TRMT11: variants seen among roughly 807,000 people sequenced by gnomAD.
TRMT11 encodes the protein tRNA methyltransferase 11.
In TRMT11, 53 loss-of-function variants were observed where a neutral mutation model predicts 62.8. The ratio of observed to expected loss-of-function variants is 0.84; its 90% CI spans 0.68 to 1.06. The LOEUF is 1.06. TRMT11 is among the 50% of genes least tolerant of loss of function. The pLI is 0.00. For missense variants in TRMT11, 556 were observed against 553.4 expected (o/e 1.00, Z -0.05); for synonymous variants, 188 against 190.3 (o/e 0.99, Z 0.10).
intron 17 of TRMT11, among the ~76,000 whole-genome samples, chr6:126,086,162 G>A (rs1208986356): frequency 1.3e-5 from 2 of 152,064 alleles, no homozygotes; most frequent in East Asian, 1.9e-4. Flanking sequence ...AAGGAAGCAC[G>A]ACTCAATTCA....
chr6:125,995,825 A>C lies in TRMT11; in HGVS notation c.139-142A>C, dbSNP rs559965262. On this transcript the variant is annotated intron_variant, in intron 2 of 12. Transcript: ENST00000334379. ...AATTTACTTTTTTACTATTGGAACG[A>C]TTTTTATTTTGGTTACAGTCAGATC... 97 of 626,876 alleles carry C rather than the reference A, an allele frequency of 1.5e-4. No individual in the cohort carries two copies. In the Middle Eastern group the frequency reaches 2.0e-3, roughly 13 times the overall value. 38.8% of individuals were successfully genotyped at this position (626,876 alleles called of 1,614,324 possible).
At chr6:126,271,738 T>C in the TRMT11 span, among the ~76,000 whole-genome samples, 19 of 152,092 alleles carry the variant, frequency 1.2e-4, no homozygotes, top group Non-Finnish European at 2.4e-4. Context: ...GGAGGACCCG[T>C]TGTCAATTAT....
chr6:126,127,523 C>CT, intron 21 of TRMT11, among the ~76,000 whole-genome samples: 2 of 151,350 alleles, frequency 1.3e-5, no homozygotes, highest in Non-Finnish European at 2.9e-5. Context: ...TTTTATTATA[C>CT]TTTAAGTTTT....
At chr6:126,057,478 A>G (rs1304789137) in intron 17 of TRMT11, among the ~76,000 whole-genome samples, 1 of 152,234 alleles carries the variant, frequency 6.6e-6, no homozygotes, top group Non-Finnish European at 1.5e-5. Context: ...TACCCTATTG[A>G]TTGGAATGGA....
At chr6:126,151,938 T>TCTTTCTTTCTTC (rs1328332924) in intron 21 of TRMT11, among the ~76,000 whole-genome samples, 1 of 107,782 alleles carries the variant, frequency 9.3e-6, no homozygotes, top group Non-Finnish European at 1.9e-5. Context: ...TTTCTTTCTT[T>TCTTTCTTTCTTC]CTTTCTTTTC....
intron 1 of TRMT11, among the ~76,000 whole-genome samples, chr6:126,178,823 A>G (rs1265428164): frequency 1.3e-5 from 2 of 152,090 alleles, no homozygotes; most frequent in Non-Finnish European, 2.9e-5. Flanking sequence ...TGGGAGTTAC[A>G]TTATCAGTGT....
the TRMT11 span, among the ~76,000 whole-genome samples, chr6:126,217,561 CTT>C: frequency 6.6e-6 from 1 of 152,194 alleles, no homozygotes; most frequent in Non-Finnish European, 1.5e-5. Context: ...GGCAGAAACT[CTT>C]GTTCTTTTCT....
chr6:126,220,058 T>G, the TRMT11 span, among the ~76,000 whole-genome samples: 1 of 152,310 alleles, frequency 6.6e-6, no homozygotes, highest in Non-Finnish European at 1.5e-5. Context: ...AGACTCAGGT[T>G]AGATGTTTCA....
intron 12 of TRMT11, among the ~76,000 whole-genome samples, chr6:126,036,724 A>G (rs1775260079): frequency 1.3e-5 from 2 of 152,148 alleles, no homozygotes; most frequent in South Asian, 4.1e-4. Flanking sequence ...CAAGTTTTCT[A>G]GTGATCTTAC....
intron 1 of TRMT11, among the ~76,000 whole-genome samples, chr6:126,193,562 G>C (rs1242290098): frequency 7.4e-6 from 1 of 136,048 alleles, no homozygotes; most frequent in Non-Finnish European, 1.5e-5. Flanking sequence ...AGGCAATCCT[G>C]GCTCACTGCA....
chr6:126,197,684 A>G (rs1778682396), intron 1 of TRMT11, among the ~76,000 whole-genome samples: 1 of 152,172 alleles, frequency 6.6e-6, no homozygotes, highest in African/African-American at 2.4e-5. Flanking sequence ...TTCCACATAA[A>G]TCAGCTTTGT....
At chr6:126,220,805 T>G in the TRMT11 span, among the ~76,000 whole-genome samples, 1 of 152,120 alleles carries the variant, frequency 6.6e-6, no homozygotes, top group Non-Finnish European at 1.5e-5. Context: ...TGCAGGTTTG[T>G]TATATGGGTA....
At chr6:125,997,167 T>C (rs1363781772) in intron 3 of TRMT11, among the ~76,000 whole-genome samples, 2 of 152,212 alleles carry the variant, frequency 1.3e-5, no homozygotes, top group East Asian at 3.8e-4. Flanking sequence ...TTTGTGTAGC[T>C]GAGGTATACC....
At chr6:126,216,720 C>CT in the TRMT11 span, among the ~76,000 whole-genome samples, 1 of 152,040 alleles carries the variant, frequency 6.6e-6, no homozygotes. Flanking sequence ...TTGAGGTAGT[C>CT]TTTTTTGGGT....
chr6:126,082,381 T>A (rs1251290331), intron 17 of TRMT11, among the ~76,000 whole-genome samples: 1 of 152,054 alleles, frequency 6.6e-6, no homozygotes, highest in Non-Finnish European at 1.5e-5. Flanking sequence ...TATATTACAA[T>A]GTAATATCAA....
chr6:126,198,139 G>C (rs375802723), intron 1 of TRMT11, among the ~76,000 whole-genome samples: 2 of 152,098 alleles, frequency 1.3e-5, no homozygotes, highest in African/African-American at 4.8e-5. Context: ...ACTGCCCTCT[G>C]TCAATTACTG....
chr6:126,046,340 A>G (rs1213841918), intron 16 of TRMT11, among the ~76,000 whole-genome samples: 3 of 152,202 alleles, frequency 2.0e-5, no homozygotes, highest in Non-Finnish European at 2.9e-5. Context: ...AGGGTCCCCA[A>G]TGCCAAAACA....
intron 17 of TRMT11, among the ~76,000 whole-genome samples, chr6:126,109,154 C>T (rs1341591107): frequency 2.6e-5 from 4 of 152,066 alleles, no homozygotes; most frequent in African/African-American, 4.8e-5. Context: ...CATATACCCA[C>T]ATTATAATTA....
intron 17 of TRMT11, among the ~76,000 whole-genome samples, chr6:126,055,217 G>A (rs1037021513): frequency 6.6e-6 from 1 of 152,036 alleles, no homozygotes; most frequent in African/African-American, 2.4e-5. Flanking sequence ...CCCTTGCCTC[G>A]GCCTCCCAAA....
Sources: gnomAD v4.1 joint callset for allele counts (sites outside exome capture counted in the v4.1 genomes callset) on GRCh38, gnomAD v4.1.1 for gene constraint, MANE v1.5 for transcripts, NCBI Gene and HGNC (gene_info 2026-07-23, HGNC 2026-07-21) for gene names.